Variants in DSC3 observed in about 807,000 individuals in gnomAD.
The protein encoded by DSC3 is desmocollin-3.
A neutral mutation model predicts 89.5 loss-of-function variants in DSC3; 97 were observed. The ratio of observed to expected loss-of-function variants is 1.08; its 90% CI spans 0.92 to 1.28. The LOEUF is 1.28. Ranked by LOEUF, DSC3 falls within the 50% of genes most tolerant of loss-of-function variation. DSC3 has a pLI of 0.00. For missense variants in DSC3, 1,199 were observed against 1,085.3 expected, an observed-to-expected ratio of 1.10 and a Z score of -1.47; for synonymous variants, 436 against 384.1, an observed-to-expected ratio of 1.14 and a Z score of -1.58.
At position 31,031,161 on chromosome 18, in the gene DSC3, C is replaced by G. The variant is rs765482876; in HGVS notation, c.166G>C (p.Glu56Gln). The change falls in exon 3 of 16, where the codon GAG becomes CAG. Residue 56 changes from glutamate to glutamine, a missense_variant. Physicochemically the swap from Glu to Gln is conservative, Grantham distance 29 (BLOSUM62 2). Transcript: ENST00000360428. ...ATGAGGTCTGCAGACCTGAAGCACT[C>G]TTCCAAATTAACTGCAAGTAAAAAT... Reference protein sequence around the residue: ...DKIIGRVNLEECFRSADLIRS... With the variant: ...DKIIGRVNLEQCFRSADLIRS... 1 of 1,609,916 alleles carries G rather than the reference C, an allele frequency of 6.2e-7. No individual in the cohort carries two copies. Among genetic ancestry groups the G allele is most frequent in the African/African-American group, 1.3e-5 (1 of 74,826 alleles).
intron 9 of DSC3, among the ~76,000 whole-genome samples, chr18:31,015,374 C>A (rs1378426713): frequency 6.6e-6 from 1 of 152,106 alleles, no homozygotes; most frequent in Non-Finnish European, 1.5e-5. Context: ...TTATAACTTC[C>A]AATCACCTTT....
intron 15 of DSC3, among the ~76,000 whole-genome samples, chr18:30,996,017 C>T (rs1227127831): frequency 1.8e-5 from 2 of 111,804 alleles, no homozygotes; most frequent in South Asian, 6.8e-4. Context: ...AAGAAAAAAG[C>T]TTCTGCTTCA....
chr18:30,992,461 GA>G lies in DSC3; in HGVS notation c.*1713del, dbSNP rs1984299600. 6.6e-6 allele frequency: 1 copy of G among 152,238 alleles called. No individual in the cohort carries two copies. The highest frequency in any genetic ancestry group is 1.5e-5 in the Non-Finnish European group (1 of 68,070). 9.4% of individuals were successfully genotyped at this position (152,238 alleles called of 1,614,324 possible). On this transcript the variant is annotated 3_prime_UTR_variant, in exon 16 of 16. Coordinates refer to ENST00000360428, the MANE Select transcript of DSC3 (RefSeq NM_001941.5). ...CACTCCAAATAAGGTGAGCCATAGA[GA>G]AGAGGTTGGCTGATCCCTCACCGGA... is the stretch of plus-strand genomic sequence containing the variant.
intron 9 of DSC3, among the ~76,000 whole-genome samples, chr18:31,015,263 T>G (rs1985197829): frequency 6.6e-6 from 1 of 152,160 alleles, no homozygotes; most frequent in Non-Finnish European, 1.5e-5. Context: ...TAAAGTATTA[T>G]TATCTAACTG....
At chr18:31,027,398 G>A (rs1002220018) in intron 4 of DSC3, among the ~76,000 whole-genome samples, 1 of 151,986 alleles carries the variant, frequency 6.6e-6, no homozygotes, top group Non-Finnish European at 1.5e-5. Flanking sequence ...TTTCTTTGAG[G>A]TAGGCAGGTG....
intron 6 of DSC3, among the ~76,000 whole-genome samples, chr18:31,023,338 A>T (rs1468961929): frequency 6.6e-6 from 1 of 152,144 alleles, no homozygotes; most frequent in East Asian, 1.9e-4. Flanking sequence ...TTCCACAGTG[A>T]GTTAGTAACA....
At chr18:31,017,465 G>A (rs1473138018) in intron 9 of DSC3, among the ~76,000 whole-genome samples, 1 of 152,034 alleles carries the variant, frequency 6.6e-6, no homozygotes, top group Non-Finnish European at 1.5e-5. Context: ...GAATGTACCA[G>A]CACCACCAAA....
chr18:31,023,098 G>A (rs118002592), intron 6 of DSC3, among the ~76,000 whole-genome samples: 6 of 151,942 alleles, frequency 3.9e-5, no homozygotes, highest in Non-Finnish European at 5.9e-5. Flanking sequence ...GCATCGAAGT[G>A]TTTGTCCTTT....
intron 15 of DSC3, 145 bp from the exon 16 acceptor site, chr18:30,994,517 T>A (rs1257084119): frequency 1.3e-6 from 2 of 1,574,742 alleles, no homozygotes; most frequent in Non-Finnish European, 1.7e-6. Flanking sequence ...AAAATGCAAA[T>A]GATTGGTCTA....
intron 13 of DSC3, 79 bp downstream of exon 13, chr18:31,004,063 A>G: frequency 8.9e-7 from 1 of 1,126,770 alleles, no homozygotes; most frequent in Non-Finnish European, 1.3e-6. Flanking sequence ...TGCTTGGACG[A>G]GATTATTTTT....
At chr18:31,038,810 T>G (rs1442120023) in intron 1 of DSC3, among the ~76,000 whole-genome samples, 1 of 152,080 alleles carries the variant, frequency 6.6e-6, no homozygotes, top group Non-Finnish European at 1.5e-5. Context: ...AGTTCCTAAC[T>G]ATATAGCAGT....
chr18:31,011,124 C>G (rs1488482167), intron 9 of DSC3, among the ~76,000 whole-genome samples: 1 of 152,132 alleles, frequency 6.6e-6, no homozygotes, highest in Non-Finnish European at 1.5e-5. Context: ...AGTCAAAGAG[C>G]TAGGTTCAAA....
chr18:31,001,022 A>G (rs1391527679), intron 14 of DSC3, among the ~76,000 whole-genome samples: 2 of 149,116 alleles, frequency 1.3e-5, no homozygotes, highest in Non-Finnish European at 3.0e-5. Context: ...TTGTGTGTAT[A>G]TATATATACT....
Position 31,004,273 on chromosome 18 carries a change from G to A in DSC3, c.1982C>T (p.Thr661Ile), listed in dbSNP as rs1480827991. 1.2e-6 allele frequency: 2 copies of A among 1,613,896 alleles called. No homozygotes were observed. The highest frequency in any genetic ancestry group is 2.7e-5 in the African/African-American group (2 of 74,906). ...ACACAGATTAACTCTCAATAATTTT[G>A]TTGCAGCTTGGCCGGCCCTGTCTTT... ...TVKDRAGQAA[T>I]KLLRVNLCEC... is the part of the protein sequence containing the mutation. Residue 661 changes from threonine to isoleucine, a missense_variant, in exon 13 of 16, where the codon ACA becomes ATA. Thr to Ile is a moderately conservative substitution (Grantham distance 89). Coordinates refer to ENST00000360428, the MANE Select transcript of DSC3 (RefSeq NM_001941.5).
chr18:31,023,938 G>C (rs750095759), intron 6 of DSC3, among the ~76,000 whole-genome samples: 9 of 152,056 alleles, frequency 5.9e-5, no homozygotes, highest in Non-Finnish European at 1.3e-4. Flanking sequence ...TGTACCCTTA[G>C]TGGATGTCAT....
chr18:31,001,819 A>G, intron 13 of DSC3, 80 bp from the exon 14 acceptor site: 1 of 1,172,830 alleles, frequency 8.5e-7, no homozygotes, highest in Non-Finnish European at 1.2e-6. Context: ...CTTACGACCT[A>G]AGGATCAAAG....
rs200588421 is a variant in DSC3 at position 31,024,469 on chromosome 18, C to T, written c.655G>A (p.Asp219Asn). 21 of 1,612,826 alleles carry T rather than the reference C, an allele frequency of 1.3e-5. No homozygotes were observed. In the East Asian group the frequency reaches 4.5e-4, roughly 34 times the overall value. Residue 219 changes from aspartate (D) to asparagine (N), a missense_variant, in exon 6 of 16, where the codon GAT becomes AAT. Physicochemically the swap from Asp to Asn is conservative, Grantham distance 23. Coordinates refer to ENST00000360428, the MANE Select transcript of DSC3 (RefSeq NM_001941.5). The stretch of plus-strand genomic sequence containing the variant: ...AGGGGCAGATCTGCTGAATATCCAT[C>T]TGCAGTTGACGCATAAGCAATCAAC... ...FDLIAYASTADGYSADLPLPL... is the reference protein window; with the variant it reads ...FDLIAYASTANGYSADLPLPL...
At chr18:31,008,566 T>C (rs750840161) in intron 9 of DSC3, 41 bp from the exon 10 acceptor site, 17 of 1,610,708 alleles carry the variant, frequency 1.1e-5, no homozygotes, top group Non-Finnish European at 1.3e-5. Context: ...CAGTGTAAAA[T>C]ACATCTGGCA....
rs778465727 is a variant in DSC3, at chr18:31,025,888, T to C, written c.502A>G (p.Thr168Ala). Residue 168 changes from threonine to alanine, a missense_variant, in exon 5 of 16, where the codon ACT becomes GCT. Transcript: ENST00000360428. ...CGTCCACTTATTGAGTAGAAGACAG[T>C]ATAGTTCTGTGCTGCATCAGATTCA... ...QVESDAAQNYTVFYSISGRGV... is the reference protein window; with the variant it reads ...QVESDAAQNYAVFYSISGRGV... 1.2e-6 allele frequency: 2 copies of C among 1,613,020 alleles called. No individual in the cohort carries two copies. Among genetic ancestry groups the C allele is most frequent in the Admixed American group, 1.7e-5 (1 of 59,920 alleles).
Sources: allele counts gnomAD v4.1 joint callset (sites outside exome capture counted in the v4.1 genomes callset), GRCh38; gene constraint gnomAD v4.1.1; transcripts MANE v1.5; gene names NCBI Gene and HGNC (gene_info 2026-07-23, HGNC 2026-07-21).